The following DLG2 variants were observed in gnomAD, a reference collection of about 807,000 sequenced individuals.
The protein encoded by DLG2 is discs large MAGUK scaffold protein 2, also known as disks large homolog 2.
In DLG2, 45 loss-of-function variants were observed where a neutral mutation model predicts 132.5. The observed-to-expected ratio is 0.34, with a 90% confidence interval of 0.27 to 0.44. The LOEUF is 0.44. Ranked by LOEUF, DLG2 falls within the 20% of genes least tolerant of loss-of-function variation. The pLI is 1.00. For missense variants in DLG2, 1,045 were observed against 1,196.9 expected (o/e 0.87, Z 1.87); for synonymous variants, 424 against 419.6 (o/e 1.01, Z -0.13).
intron 21 of DLG2, among the ~76,000 whole-genome samples, chr11:83,498,374 T>A (rs2094263699): frequency 6.6e-6 from 1 of 151,942 alleles, no homozygotes; most frequent in South Asian, 2.1e-4. Flanking sequence ...AACAATGAAA[T>A]GAAATTAAAA....
At chr11:84,505,669 G>T (rs2099237012) in intron 7 of DLG2, among the ~76,000 whole-genome samples, 1 of 151,962 alleles carries the variant, frequency 6.6e-6, no homozygotes, top group African/African-American at 2.4e-5. Flanking sequence ...AATATGTTCA[G>T]CAATAAAAAT....
intron 22 of DLG2, among the ~76,000 whole-genome samples, chr11:83,473,142 C>T (rs1565365931): frequency 6.6e-6 from 1 of 152,150 alleles, no homozygotes; most frequent in Non-Finnish European, 1.5e-5. Flanking sequence ...ATGGCTGCTA[C>T]ATAATCAGAA....
chr11:83,533,791 T>C (rs1409224747), intron 20 of DLG2, among the ~76,000 whole-genome samples: 1 of 152,198 alleles, frequency 6.6e-6, no homozygotes, highest in Non-Finnish European at 1.5e-5. Flanking sequence ...TCATCCACAT[T>C]AAGGACTTGA....
intron 4 of DLG2, among the ~76,000 whole-genome samples, chr11:85,233,649 T>A (rs1189317137): frequency 6.6e-6 from 1 of 151,692 alleles, no homozygotes; most frequent in African/African-American, 2.4e-5. Flanking sequence ...TAGATACCAT[T>A]AGAAGCCAAA....
intron 13 of DLG2, among the ~76,000 whole-genome samples, chr11:83,965,086 C>A (rs116163009): frequency 2.7e-4 from 41 of 152,082 alleles, no homozygotes; most frequent in African/African-American, 9.9e-4. Flanking sequence ...ATCACACTGT[C>A]CTCAACATTA....
chr11:85,333,890 T>G (rs958633207), intron 3 of DLG2, among the ~76,000 whole-genome samples: 1 of 150,514 alleles, frequency 6.6e-6, no homozygotes, highest in African/African-American at 2.4e-5. Flanking sequence ...TGAAGTTGGT[T>G]TTTTTTTTTC....
chr11:84,263,562 A>T (rs1268061920), intron 7 of DLG2, among the ~76,000 whole-genome samples: 1 of 152,176 alleles, frequency 6.6e-6, no homozygotes, highest in Non-Finnish European at 1.5e-5. Context: ...CTATATAAAG[A>T]GTAAAAAAGA....
intron 6 of DLG2, among the ~76,000 whole-genome samples, chr11:85,047,974 G>C (rs2062516861): frequency 6.6e-6 from 1 of 151,892 alleles, no homozygotes; most frequent in Non-Finnish European, 1.5e-5. Flanking sequence ...TTGCCTGAGA[G>C]ATCCCTTTTC....
At chr11:83,525,332 G>A (rs1255625908) in intron 21 of DLG2, among the ~76,000 whole-genome samples, 2 of 152,110 alleles carry the variant, frequency 1.3e-5, no homozygotes, top group East Asian at 3.8e-4. Context: ...AGTGGACAAG[G>A]GAACTCAAGG....
intron 7 of DLG2, among the ~76,000 whole-genome samples, chr11:84,385,814 A>C (rs2098767614): frequency 6.6e-6 from 1 of 152,154 alleles, no homozygotes; most frequent in African/African-American, 2.4e-5. Flanking sequence ...TCTTAAATGA[A>C]CAATAAAGAG....
intron 6 of DLG2, among the ~76,000 whole-genome samples, chr11:85,011,422 C>A (rs675378): frequency 0.69 from 104,514 of 152,010 alleles, 37,147 homozygotes; most frequent in East Asian, 0.92. Flanking sequence ...TAGAAATATA[C>A]TGCAAATAAG....
At chr11:84,904,083 A>G (rs1190128487) in intron 6 of DLG2, among the ~76,000 whole-genome samples, 1 of 152,192 alleles carries the variant, frequency 6.6e-6, no homozygotes, top group East Asian at 1.9e-4. Context: ...AGATTACCAT[A>G]ACAAAAGTAC....
intron 6 of DLG2, among the ~76,000 whole-genome samples, chr11:84,906,603 T>C (rs921667254): frequency 6.6e-6 from 1 of 152,020 alleles, no homozygotes; most frequent in African/African-American, 2.4e-5. Flanking sequence ...CTCCTAAGGA[T>C]ATAATGTAGG....
At position 83,458,735 on chromosome 11, in the gene DLG2, A is replaced by G. The variant is rs541346503; in HGVS notation, c.*1083T>C. The G allele has an allele frequency of 1.3e-5, 2 of 152,388 alleles. No individual in the cohort carries two copies. The highest frequency in any genetic ancestry group is 3.9e-4 in the East Asian group (2 of 5,192). 9.4% of individuals were successfully genotyped at this position (152,388 alleles called of 1,614,324 possible). A position where few individuals can be genotyped will look rare whatever the true frequency, so the allele number is the denominator to read the frequency against. On this transcript the variant is annotated 3_prime_UTR_variant, in exon 28 of 28. Coordinates refer to ENST00000376104, the MANE Select transcript of DLG2 (RefSeq NM_001142699.3). ...GGCTCAGGTTATTTAACTAGAGGAA[A>G]GCAAAAACTTCCCTTTAGATCATTT...
chr11:83,673,061 C>G (rs187325040), intron 18 of DLG2, among the ~76,000 whole-genome samples: 1 of 152,068 alleles, frequency 6.6e-6, no homozygotes, highest in Non-Finnish European at 1.5e-5. Flanking sequence ...GCAAGGCTGT[C>G]TCAAAAACAA....
chr11:83,689,433 T>C (rs981955326), intron 18 of DLG2, among the ~76,000 whole-genome samples: 10 of 152,178 alleles, frequency 6.6e-5, no homozygotes, highest in Non-Finnish European at 1.5e-4. Flanking sequence ...CATCTTTTTT[T>C]ATGAACTTCT....
At chr11:83,875,739 T>C (rs1305088326) in intron 15 of DLG2, among the ~76,000 whole-genome samples, 3 of 152,066 alleles carry the variant, frequency 2.0e-5, no homozygotes, top group African/African-American at 7.2e-5. Context: ...GAAACCTGAG[T>C]CTAGGATTTC....
At chr11:85,431,990 C>A (rs976474359) in intron 3 of DLG2, among the ~76,000 whole-genome samples, 2 of 152,170 alleles carry the variant, frequency 1.3e-5, no homozygotes, top group African/African-American at 4.8e-5. Flanking sequence ...TTCTCCAGCC[C>A]CATCAAGTGA....
At position 83,878,487 on chromosome 11, in the gene DLG2, G is replaced by A. The variant is rs1022297350; in HGVS notation, c.1497-3999C>T. On this transcript the variant is annotated intron_variant, in intron 15 of 27. Coordinates refer to ENST00000376104, the MANE Select transcript of DLG2 (RefSeq NM_001142699.3). Reference sequence around the variant, plus strand: ...CAAAGCTCTGTGACTGGTCTATATAGAGCACCTGAAACACATTGTTAGAAA... The same window carrying A: ...CAAAGCTCTGTGACTGGTCTATATAAAGCACCTGAAACACATTGTTAGAAA... 3.3e-5 allele frequency among the ~76,000 whole-genome samples: 5 copies of A among 152,118 alleles called. No homozygotes were observed. In the South Asian group the frequency reaches 1.0e-3, roughly 32 times the overall value.
Sources: gnomAD v4.1 joint callset for allele counts (sites outside exome capture counted in the v4.1 genomes callset) on GRCh38, gnomAD v4.1.1 for gene constraint, MANE v1.5 for transcripts, NCBI Gene and HGNC (gene_info 2026-07-23, HGNC 2026-07-21) for gene names.